Variants in USP16 observed in about 807,000 individuals in gnomAD.
The protein encoded by USP16 is ubiquitin carboxyl-terminal hydrolase 16.
USP16 carries 77 observed loss-of-function variants against 95.9 expected under a neutral mutation model. That is an observed-to-expected ratio of 0.80 (90% CI 0.67 to 0.97). The LOEUF (loss-of-function observed/expected upper bound fraction) is 0.97, where lower values mean the gene tolerates loss of function less well. USP16 is among the 50% of genes least tolerant of loss of function. The pLI is 0.00. For synonymous variants in USP16, 303 were observed against 318.2 expected, an observed-to-expected ratio of 0.95 and a Z score of 0.51; for missense variants, 943 against 959.9, an observed-to-expected ratio of 0.98 and a Z score of 0.23.
intron 11 of USP16, 76 bp from the exon 12 acceptor site, chr21:29,042,396 C>A: frequency 7.1e-7 from 1 of 1,416,774 alleles, no homozygotes; most frequent in Non-Finnish European, 9.7e-7. Context: ...CTCCCCATCC[C>A]ACAGGGCAGG....
In USP16 at chr21:29,047,122, G is replaced by A; in HGVS notation, c.1812G>A (p.Lys604=). 2 of 1,614,044 alleles carry A rather than the reference G, an allele frequency of 1.2e-6. No individual in the cohort carries two copies. Among genetic ancestry groups the A allele is most frequent in the Non-Finnish European group, 1.7e-6 (2 of 1,180,006 alleles). The part of the protein sequence containing the change: ...ILNDSHTPGT[K]VYEVVNEDPE... The stretch of plus-strand genomic sequence containing the variant: ...ATGATAGTCATACTCCTGGAACAAA[G>A]GTGTATGAGGTTGTAAATGAAGATC... Residue 604 remains lysine (K), a synonymous_variant, in exon 14 of 18, where the codon AAG becomes AAA. Transcript: ENST00000399976.
At chr21:29,034,620 G>A (rs1270383083) in intron 3 of USP16, among the ~76,000 whole-genome samples, 1 of 152,140 alleles carries the variant, frequency 6.6e-6, no homozygotes, top group African/African-American at 2.4e-5. Context: ...CCTAGCGAGT[G>A]CATGGTTTTC....
At chr21:29,030,559 C>T (rs760466677) in intron 2 of USP16, 36 bp from the exon 3 acceptor site, 1 of 1,473,822 alleles carries the variant, frequency 6.8e-7, no homozygotes, top group Non-Finnish European at 9.0e-7. Flanking sequence ...TCATTTTTGA[C>T]CTTATATATT....
chr21:29,053,676 CATGA>C (rs2085450625), intron 16 of USP16, 122 bp from the exon 17 acceptor site: 6 of 918,978 alleles, frequency 6.5e-6, no homozygotes, highest in South Asian at 3.5e-5. Context: ...AGAGTAGACT[CATGA>C]ATGATTTCTG....
chr21:29,029,438 A>T (rs1310499254), intron 2 of USP16, among the ~76,000 whole-genome samples: 1 of 151,966 alleles, frequency 6.6e-6, no homozygotes, highest in East Asian at 1.9e-4. Flanking sequence ...AAAAAAGGGT[A>T]CCTTCTTTTT....
At chr21:29,039,589 G>A (rs767678384) in intron 9 of USP16, 21 bp downstream of exon 9, 1 of 1,601,018 alleles carries the variant, frequency 6.2e-7, no homozygotes. Flanking sequence ...TATGACCATT[G>A]TATTTTATGA....
At chr21:29,035,939 CAA>C (rs1308999785) in intron 4 of USP16, among the ~76,000 whole-genome samples, 1 of 151,590 alleles carries the variant, frequency 6.6e-6, no homozygotes, top group Non-Finnish European at 1.5e-5. Context: ...AAAAACAAAA[CAA>C]ACAAAAAAAA....
At chr21:29,032,626 G>A (rs2085094407) in intron 3 of USP16, among the ~76,000 whole-genome samples, 1 of 152,130 alleles carries the variant, frequency 6.6e-6, no homozygotes, top group South Asian at 2.1e-4. Context: ...CGTATTTTAT[G>A]GCATATAGTA....
At position 29,027,979 on chromosome 21, in the gene USP16, A is replaced by T. The variant is rs1327672103; in HGVS notation, c.61+5A>T. ...ATGATTCCTCTGAAACTTTAGGTAT[A>T]TTTCATTGATTGAATCTTTAATGTT... On this transcript the variant is annotated splice_donor_5th_base_variant and intron_variant, in intron 2 of 17. Transcript: ENST00000399976. 2.6e-5 allele frequency: 42 copies of T among 1,597,836 alleles called. No individual in the cohort carries two copies. Among genetic ancestry groups the T allele is most frequent in the Non-Finnish European group, 3.5e-5 (41 of 1,165,838 alleles).
rs926674673 is a variant in USP16 at position 29,042,105 on chromosome 21, G to A, written c.1122+1G>A. ...GATCATGTGTGATCAATGCAGAACT[G>A]TAAGTAGATGTCATGTATACTGGGT... On this transcript the variant is annotated splice_donor_variant, in intron 11 of 17. Transcript: ENST00000399976. LOFTEE classifies it high-confidence loss of function. 2.5e-6 allele frequency: 4 copies of A among 1,607,934 alleles called. No individual in the cohort carries two copies. Among genetic ancestry groups the A allele is most frequent in the Non-Finnish European group, 3.4e-6 (4 of 1,176,700 alleles).
Position 29,053,841 on chromosome 21 carries a change from T to C in USP16, c.2233T>C (p.Tyr745His), listed in dbSNP as rs1343925352. The stretch of plus-strand genomic sequence containing the variant: ...AAATACAAGGGTACTCTATTCCTTA[T>C]ATGGAGTTGTTGAACACAGTGGTAC... ...EENTRVLYSL[Y>H]GVVEHSGTMR... The change falls in exon 17 of 18, where the codon TAT (tyrosine) becomes CAT (histidine). Residue 745 changes from tyrosine (Y) to histidine (H), a missense_variant. Physicochemically the swap from Tyr to His is moderately conservative, Grantham distance 83. Coordinates refer to ENST00000399976, the MANE Select transcript of USP16 (RefSeq NM_006447.3). 3.7e-6 allele frequency: 6 copies of C among 1,613,886 alleles called. No individual in the cohort carries two copies. The highest frequency in any genetic ancestry group is 2.2e-5 in the East Asian group (1 of 44,900).
intron 1 of USP16, chr21:29,025,731 G>GTACC: frequency 1.0e-6 from 1 of 984,644 alleles, no homozygotes; most frequent in Non-Finnish European, 1.2e-6. Flanking sequence ...TCATTCTTAT[G>GTACC]TACCTACCTT....
chr21:29,047,235 G>T lies in USP16; in HGVS notation c.1925G>T (p.Arg642Leu), dbSNP rs765653234. 1 of 1,614,110 alleles carries T rather than the reference G, an allele frequency of 6.2e-7. No homozygotes were observed. Among genetic ancestry groups the T allele is most frequent in the South Asian group, 1.1e-5 (1 of 91,082 alleles). The change falls in exon 14 of 18, where the codon CGT becomes CTT. Residue 642 changes from arginine to leucine, a missense_variant. Coordinates refer to ENST00000399976, the MANE Select transcript of USP16 (RefSeq NM_006447.3). ...SIQHCLYQFT[R>L]NEKLRDANKL... is the part of the protein sequence containing the mutation. Reference sequence around the variant, plus strand: ...CAACATTGTTTATATCAGTTCACCCGTAATGAGAAACTTCGAGATGCGAAT... The same window carrying T: ...CAACATTGTTTATATCAGTTCACCCTTAATGAGAAACTTCGAGATGCGAAT...
intron 3 of USP16, among the ~76,000 whole-genome samples, chr21:29,031,797 C>T (rs1006106313): frequency 6.6e-6 from 1 of 152,152 alleles, no homozygotes; most frequent in Non-Finnish European, 1.5e-5. Flanking sequence ...TATTATAGAT[C>T]ATGTGCAGAT....
At chr21:29,025,633 A>G (rs1371664901) in intron 1 of USP16, 14 of 473,158 alleles carry the variant, frequency 3.0e-5, no homozygotes, top group Non-Finnish European at 3.9e-5. Context: ...GCAATCCTCA[A>G]ACCAGATTTA....
chr21:29,047,431 T>G, intron 14 of USP16, 110 bp downstream of exon 14: 1 of 1,203,708 alleles, frequency 8.3e-7, no homozygotes, highest in Non-Finnish European at 1.1e-6. Flanking sequence ...TGAATAAGTG[T>G]CCTTTTCTGT....
In USP16 at chr21:29,048,048, CGTGTGTGT is replaced by C. The variant is rs67919060; in HGVS notation, c.2012-670_2012-663del. 7.1e-3 allele frequency among the ~76,000 whole-genome samples: 875 copies of C among 123,792 alleles called. 6 individuals carry two copies. The highest frequency in any genetic ancestry group is 0.023 in the Middle Eastern group (6 of 264). The allele number at this position is 123,792 out of a possible 152,430, so 81.2% of individuals were successfully genotyped here. The stretch of plus-strand genomic sequence containing the variant: ...TATATATATCAGCTCAGAGACGATA[CGTGTGTGT>C]GTGTGTGTGTGTGTGTGTGTGTGTG... On this transcript the variant is annotated intron_variant, in intron 14 of 17. Transcript: ENST00000399976.
At chr21:29,042,271 T>C (rs2085255910) in intron 11 of USP16, among the ~76,000 whole-genome samples, 167 bp downstream of exon 11, 1 of 152,152 alleles carries the variant, frequency 6.6e-6, no homozygotes, top group Admixed American at 6.5e-5. Flanking sequence ...ACTCCTTAAA[T>C]CTTGAAGACG....
chr21:29,031,798 A>G (rs1420508819), intron 3 of USP16, among the ~76,000 whole-genome samples: 3 of 152,302 alleles, frequency 2.0e-5, no homozygotes, highest in East Asian at 3.9e-4. Flanking sequence ...ATTATAGATC[A>G]TGTGCAGATC....
Sources: gnomAD v4.1 joint callset for allele counts (sites outside exome capture counted in the v4.1 genomes callset) on GRCh38, gnomAD v4.1.1 for gene constraint, MANE v1.5 for transcripts, NCBI Gene and HGNC (gene_info 2026-07-23, HGNC 2026-07-21) for gene names.